The following CSMD1 variants were observed in gnomAD, a reference collection of about 807,000 sequenced individuals.
The protein encoded by CSMD1 is CUB and Sushi multiple domains 1.
In CSMD1, 213 loss-of-function variants were observed where a neutral mutation model predicts 417.5. The ratio of observed to expected loss-of-function variants is 0.51; its 90% CI spans 0.46 to 0.57. The LOEUF (loss-of-function observed/expected upper bound fraction) is 0.57. CSMD1 is among the 20% of genes least tolerant of loss of function. The pLI is 0.00. For missense variants in CSMD1, 6,923 were observed against 4,529.7 expected, an observed-to-expected ratio of 1.53 and a Z score of -15.17; for synonymous variants, 2,862 against 1,736.8, an observed-to-expected ratio of 1.65 and a Z score of -16.11.
chr8:4,716,193 C>G (rs142615295), intron 1 of CSMD1, among the ~76,000 whole-genome samples: 1 of 152,120 alleles, frequency 6.6e-6, no homozygotes, highest in Non-Finnish European at 1.5e-5. Context: ...CAGGCGCCAC[C>G]CAATGGGGAC....
chr8:4,457,089 A>C (rs981834065), intron 2 of CSMD1, among the ~76,000 whole-genome samples: 3 of 152,098 alleles, frequency 2.0e-5, no homozygotes, highest in African/African-American at 7.2e-5. Flanking sequence ...GCACAGAGAA[A>C]AATAATATGA....
At chr8:4,937,430 T>C (rs1377347724) in intron 1 of CSMD1, among the ~76,000 whole-genome samples, 1 of 152,136 alleles carries the variant, frequency 6.6e-6, no homozygotes, top group Non-Finnish European at 1.5e-5. Flanking sequence ...AAAAATAGTG[T>C]TTTTCTCTAT....
chr8:4,439,902 G>C (rs1348680794), intron 2 of CSMD1, among the ~76,000 whole-genome samples: 1 of 152,140 alleles, frequency 6.6e-6, no homozygotes, highest in Non-Finnish European at 1.5e-5. Context: ...CTACACAACA[G>C]TTAACAAGCT....
chr8:4,444,161 G>A (rs1273336278), intron 2 of CSMD1, among the ~76,000 whole-genome samples: 2 of 151,704 alleles, frequency 1.3e-5, no homozygotes, highest in African/African-American at 2.4e-5. Flanking sequence ...GGCCAACATG[G>A]CAAAACCCTG....
intron 1 of CSMD1, among the ~76,000 whole-genome samples, chr8:4,832,569 G>T (rs1038870971): frequency 6.6e-6 from 1 of 152,158 alleles, no homozygotes; most frequent in African/African-American, 2.4e-5. Flanking sequence ...GAAATGATTG[G>T]TTGTCTGCTT....
chr8:2,950,329 C>A lies in CSMD1; in HGVS notation c.10216G>T (p.Glu3406Ter), dbSNP rs564208817. The change falls in exon 67 of 70, where the codon GAG becomes TAG. Residue 3406 changes from glutamate (E) to a stop codon, truncating the protein, a stop_gained. Transcript: ENST00000635120. LOFTEE classifies it high-confidence loss of function. ...GCTTTCAGGAGTAAGTGGGCCTCCT[C>A]CTTCTTGTAAATGCCTGTGAAAAGA... ...ELKLTGIYKKEEAHLLLKAFQ... is the reference protein window; with the variant it reads ...ELKLTGIYKK The A allele has an allele frequency of 6.2e-7, 1 of 1,611,368 alleles. No homozygotes were observed. The highest frequency in any genetic ancestry group is 1.1e-5 in the South Asian group (1 of 91,026).
chr8:4,020,780 C>G (rs1022007494), intron 4 of CSMD1, among the ~76,000 whole-genome samples: 1 of 152,208 alleles, frequency 6.6e-6, no homozygotes, highest in Non-Finnish European at 1.5e-5. Flanking sequence ...GAGATAAGGT[C>G]TGAAATGAGA....
In CSMD1 at chr8:4,115,964, T is replaced by TTTTA. The variant is rs35791469; in HGVS notation, c.416-83869_416-83866dup. Among the ~76,000 whole-genome samples, 539 of 134,304 alleles carry TTTTA rather than the reference T, an allele frequency of 4.0e-3. 1 individual carries two copies. Among genetic ancestry groups the TTTTA allele is most frequent in the African/African-American group, 7.7e-3 (269 of 35,032 alleles). 88.1% of individuals were successfully genotyped at this position (134,304 alleles called of 152,430 possible). ...CACCAAGAAAACAGGGTTTTCATTATTTTATTTATTTATTTATTTATTTAT... is the reference window on the plus strand; with the variant it reads ...CACCAAGAAAACAGGGTTTTCATTATTTTATTTATTTATTTATTTATTTATTTAT... On this transcript the variant is annotated intron_variant, in intron 3 of 69. Transcript: ENST00000635120.
chr8:4,068,113 G>A (rs570573023), intron 3 of CSMD1, among the ~76,000 whole-genome samples: 1 of 152,088 alleles, frequency 6.6e-6, no homozygotes, highest in African/African-American at 2.4e-5. Context: ...GGACACAACA[G>A]TGAGTGTCTT....
intron 5 of CSMD1, among the ~76,000 whole-genome samples, chr8:3,926,139 T>C (rs1341013542): frequency 7.8e-6 from 1 of 128,336 alleles, no homozygotes; most frequent in Non-Finnish European, 1.7e-5. Context: ...ACACTTGTGG[T>C]GTGTATAGGT....
At chr8:3,522,110 C>T (rs151094239) in intron 10 of CSMD1, among the ~76,000 whole-genome samples, 2 of 151,982 alleles carry the variant, frequency 1.3e-5, no homozygotes, top group African/African-American at 4.8e-5. Flanking sequence ...TTTTTTTAAC[C>T]CTCAATTCTG....
intron 57 of CSMD1, among the ~76,000 whole-genome samples, chr8:2,972,684 T>C (rs1264184310): frequency 1.3e-5 from 2 of 152,044 alleles, no homozygotes; most frequent in Admixed American, 6.6e-5. Flanking sequence ...TGAAATAGAG[T>C]GCTCCACACA....
intron 1 of CSMD1, among the ~76,000 whole-genome samples, chr8:4,848,530 T>C (rs184910855): frequency 4.6e-5 from 7 of 152,198 alleles, no homozygotes; most frequent in African/African-American, 7.2e-5. Flanking sequence ...AAATGATGTA[T>C]AGTACATAAT....
At chr8:4,571,279 A>T (rs775741385) in intron 2 of CSMD1, among the ~76,000 whole-genome samples, 18 of 152,172 alleles carry the variant, frequency 1.2e-4, no homozygotes, top group Non-Finnish European at 1.5e-4. Flanking sequence ...GTGAGAATTT[A>T]GCACTATGAT....
chr8:4,231,529 T>C (rs1044853095), intron 3 of CSMD1, among the ~76,000 whole-genome samples: 12 of 152,302 alleles, frequency 7.9e-5, no homozygotes, highest in Admixed American at 6.5e-4. Flanking sequence ...CTGTAATTTT[T>C]TTTTGGTGTT....
chr8:3,253,076 G>T (rs1241983666), intron 26 of CSMD1, among the ~76,000 whole-genome samples: 1 of 152,054 alleles, frequency 6.6e-6, no homozygotes, highest in African/African-American at 2.4e-5. Context: ...GCTAGCTTTT[G>T]AGTATGTTTG....
chr8:4,688,163 TAGG>T (rs755991370), intron 1 of CSMD1, among the ~76,000 whole-genome samples: 1 of 152,226 alleles, frequency 6.6e-6, no homozygotes, highest in Non-Finnish European at 1.5e-5. Flanking sequence ...TATTTGATTC[TAGG>T]AGTTTTTTGT....
intron 2 of CSMD1, among the ~76,000 whole-genome samples, chr8:4,519,257 G>A (rs1340326758): frequency 6.6e-6 from 1 of 151,850 alleles, no homozygotes; most frequent in East Asian, 1.9e-4. Flanking sequence ...ATGCTGGCCT[G>A]GCAAATTATA....
chr8:4,770,969 C>T (rs80032348), intron 1 of CSMD1, among the ~76,000 whole-genome samples: 1 of 152,060 alleles, frequency 6.6e-6, no homozygotes. Flanking sequence ...CTACATCACA[C>T]TAAAAAGCTT....
Sources: allele counts gnomAD v4.1 joint callset (sites outside exome capture counted in the v4.1 genomes callset), GRCh38; gene constraint gnomAD v4.1.1; transcripts MANE v1.5; gene names NCBI Gene and HGNC (gene_info 2026-07-23, HGNC 2026-07-21).